Variants in PPP2R2D observed in about 807,000 individuals in gnomAD.
PPP2R2D encodes the protein serine/threonine-protein phosphatase 2A 55 kDa regulatory subunit B delta isoform.
In PPP2R2D, 9 loss-of-function variants were observed where a neutral mutation model predicts 31.1. The observed-to-expected ratio is 0.29, with a 90% CI of 0.17 to 0.51. The LOEUF is 0.51. PPP2R2D is among the 20% of genes least tolerant of loss of function. PPP2R2D has a pLI of 0.98. For synonymous variants in PPP2R2D, 179 were observed against 172.6 expected (o/e 1.04, Z -0.29); for missense variants, 391 against 465.6 (o/e 0.84, Z 1.48).
At chr10:131,901,856 C>G (rs1168155643) in intron 2 of PPP2R2D, among the ~76,000 whole-genome samples, 1 of 152,336 alleles carries the variant, frequency 6.6e-6, no homozygotes, top group Non-Finnish European at 1.5e-5. Flanking sequence ...CTCCCTGATT[C>G]TTAAGGTCTG....
intron 2 of PPP2R2D, among the ~76,000 whole-genome samples, chr10:131,930,462 G>A (rs578164003): frequency 8.5e-5 from 13 of 152,344 alleles, no homozygotes; most frequent in East Asian, 1.9e-4. Flanking sequence ...GCAGTTTCCT[G>A]AGAAAGCATT....
rs1423380815 is a variant in PPP2R2D, at chr10:131,901,345, G to GCGCCC, written c.100+23_100+27dup. On this transcript the variant is annotated intron_variant, in intron 2 of 8. Coordinates refer to ENST00000455566, the MANE Select transcript of PPP2R2D (RefSeq NM_018461.5). ...CGTGGCCGAAGGTGAGCCCCGCGCC[G>GCGCCC]CGCCCCGCCCCGGGACCCTCGCGGA... 1.4e-5 allele frequency: 5 copies of GCGCCC among 356,690 alleles called. No individual in the cohort carries two copies. The highest frequency in any genetic ancestry group is 6.4e-5 in the African/African-American group (3 of 46,690). 22.1% of individuals were successfully genotyped at this position (356,690 alleles called of 1,614,324 possible).
At chr10:131,967,280 C>T in the PPP2R2D span, 1 of 152,218 alleles carries the variant, frequency 6.6e-6, no homozygotes, top group Non-Finnish European at 1.5e-5. Flanking sequence ...GTTCACTGAG[C>T]TCTGTAAGGT....
At chr10:131,904,481 G>C (rs1464677559) in intron 2 of PPP2R2D, among the ~76,000 whole-genome samples, 1 of 152,154 alleles carries the variant, frequency 6.6e-6, no homozygotes, top group Non-Finnish European at 1.5e-5. Flanking sequence ...CTGCACTCCA[G>C]CCTGGGCGAC....
At chr10:131,933,496 C>CT (rs1263306630) in intron 2 of PPP2R2D, among the ~76,000 whole-genome samples, 1 of 152,150 alleles carries the variant, frequency 6.6e-6, no homozygotes, top group Non-Finnish European at 1.5e-5. Flanking sequence ...GTTCCTGAGA[C>CT]TCCCCCACAC....
chr10:131,947,480 G>GT lies in PPP2R2D; in HGVS notation c.821-48dup. 1 of 1,576,668 alleles carries GT rather than the reference G, an allele frequency of 6.3e-7. No individual in the cohort carries two copies. Among genetic ancestry groups the GT allele is most frequent in the East Asian group, 2.2e-5 (1 of 44,486 alleles). ...TCCTACTTGAACTTGAAAATGATTTGTTCTCTGATTTTTAAACAGAAGCTG... is the reference window on the plus strand; with the variant it reads ...TCCTACTTGAACTTGAAAATGATTTGTTTCTCTGATTTTTAAACAGAAGCTG... On this transcript the variant is annotated intron_variant, in intron 7 of 8. Transcript: ENST00000455566. The surrounding 1 kb of genome is among the most constrained non-coding windows in gnomAD (Gnocchi z 4.3).
intron 3 of PPP2R2D, among the ~76,000 whole-genome samples, chr10:131,939,614 T>G (rs567384365): frequency 1.3e-5 from 2 of 149,886 alleles, no homozygotes; most frequent in African/African-American, 2.5e-5. Context: ...TTGGCAGACC[T>G]GCTTCAGAAA....
rs782294675 is a variant in PPP2R2D, at chr10:131,934,466, A to G, written c.109A>G (p.Ile37Val). The G allele has an allele frequency of 1.3e-6, 1 of 779,092 alleles. No homozygotes were observed. The allele number at this position is 779,092 out of a possible 1,614,324, so 48.3% of individuals were successfully genotyped here. The change falls in exon 3 of 9, where the codon ATT (isoleucine) becomes GTT (valine). Residue 37 changes from isoleucine (I) to valine (V), a missense_variant. By Grantham distance (29) the Ile-to-Val change is conservative. Transcript: ENST00000455566. ...CTGTATTTTGTTGACAGCGGACATC[A>G]TTTCCACCGTTGAGTTTAATTACTC... The part of the protein sequence containing the change: ...IDEDVAEADI[I>V]STVEFNYSGD...
In PPP2R2D at chr10:131,947,916, G is replaced by T. The variant is rs1589957854; in HGVS notation, c.1082+125G>T. On this transcript the variant is annotated intron_variant, in intron 8 of 8. Transcript: ENST00000455566. This position sits in a 1 kb window ranked among gnomAD's most constrained non-coding sequence, Gnocchi z 4.3. ...GACGCTCATAGGGTGTTGTTTTCCA[G>T]ACCTTTTGATTGATGGATGATAGTA... 1 of 1,232,128 alleles carries T rather than the reference G, an allele frequency of 8.1e-7. No homozygotes were observed. Among genetic ancestry groups the T allele is most frequent in the Non-Finnish European group, 1.1e-6 (1 of 884,938 alleles). 76.3% of individuals were successfully genotyped at this position (1,232,128 alleles called of 1,614,324 possible).
chr10:131,943,766 G>A (rs184793402), intron 5 of PPP2R2D, among the ~76,000 whole-genome samples: 82 of 152,328 alleles, frequency 5.4e-4, no homozygotes, highest in African/African-American at 1.9e-3. Flanking sequence ...ATGGAAGCAA[G>A]GGGAAGACTT....
Position 131,918,667 on chromosome 10 carries a change from A to G in PPP2R2D, c.101-15791A>G, listed in dbSNP as rs1446971428. Among the ~76,000 whole-genome samples the G allele has an allele frequency of 2.2e-3, 174 of 79,818 alleles. No individual in the cohort carries two copies. The Middle Eastern group carries it at 0.038, about 18-fold the overall frequency. 52.4% of individuals were successfully genotyped at this position (79,818 alleles called of 152,430 possible). A position where few individuals can be genotyped will look rare whatever the true frequency, so the allele number is the denominator to read the frequency against. On this transcript the variant is annotated intron_variant, in intron 2 of 8. Transcript: ENST00000455566. ...GTGTTTGTAGGGACCTCAGGCGGGT[A>G]GGATGACACAGTGTAGGGACCTCAC...
In PPP2R2D at chr10:131,940,665, C is replaced by A. The variant is rs782168628; in HGVS notation, c.448C>A (p.Arg150=). 1 of 778,310 alleles carries A rather than the reference C, an allele frequency of 1.3e-6. No homozygotes were observed. Among genetic ancestry groups the A allele is most frequent in the South Asian group, 1.4e-5 (1 of 73,810 alleles). The allele number at this position is 778,310 out of a possible 1,614,324, so 48.2% of individuals were successfully genotyped here. The stretch of plus-strand genomic sequence containing the variant: ...CCTGAAAGACGAAGATGGAAGACTT[C>A]GAGACCCATTTAGGATCACGGCGCT... ...YNLKDEDGRL[R]DPFRITALRV... The change falls in exon 5 of 9, where the codon CGA becomes AGA. Residue 150 remains arginine, a synonymous_variant. Coordinates refer to ENST00000455566, the MANE Select transcript of PPP2R2D (RefSeq NM_018461.5).
downstream of PPP2R2D, among the ~76,000 whole-genome samples, chr10:131,962,653 G>A (rs192961135): frequency 2.9e-3 from 436 of 152,286 alleles, 2 homozygotes; most frequent in Non-Finnish European, 2.8e-3. Context: ...CATCGCTGGT[G>A]TGTAGATGCA....
chr10:131,909,316 G>C (rs1175028209), intron 2 of PPP2R2D, among the ~76,000 whole-genome samples: 2 of 152,344 alleles, frequency 1.3e-5, no homozygotes, highest in South Asian at 2.1e-4. Flanking sequence ...GAGCTTTTCA[G>C]ATCCTAAGCG....
chr10:131,919,830 G>A (rs572626309), intron 2 of PPP2R2D, among the ~76,000 whole-genome samples: 4 of 140,614 alleles, frequency 2.8e-5, no homozygotes, highest in African/African-American at 8.0e-5. Flanking sequence ...GACAGTGTTT[G>A]TAGGGACCTC....
chr10:131,933,363 A>G (rs113589762), intron 2 of PPP2R2D, among the ~76,000 whole-genome samples: 77 of 152,182 alleles, frequency 5.1e-4, no homozygotes, highest in African/African-American at 1.7e-3. Context: ...GTTGTTTACA[A>G]TAGCCATTTA....
At chr10:131,915,491 A>T (rs771342352) in intron 2 of PPP2R2D, among the ~76,000 whole-genome samples, 4 of 152,208 alleles carry the variant, frequency 2.6e-5, no homozygotes, top group African/African-American at 9.6e-5. Context: ...TTTTGAAGAG[A>T]TGAAGGCTAC....
chr10:131,923,484 A>T (rs782133214), intron 2 of PPP2R2D, among the ~76,000 whole-genome samples: 5 of 152,200 alleles, frequency 3.3e-5, no homozygotes, highest in Non-Finnish European at 7.3e-5. Flanking sequence ...GAGCTTGGTC[A>T]TATGGCAACT....
intron 7 of PPP2R2D, among the ~76,000 whole-genome samples, chr10:131,946,809 A>G (rs2119918794): frequency 6.6e-6 from 1 of 152,292 alleles, no homozygotes; most frequent in Non-Finnish European, 1.5e-5. Context: ...AGTGGTGCTC[A>G]CCTGTGGTCC....
Sources: gnomAD v4.1 joint callset for allele counts (sites outside exome capture counted in the v4.1 genomes callset) on GRCh38, gnomAD v4.1.1 for gene constraint, Gnocchi (gnomAD v3.1) non-coding constraint, MANE v1.5 for transcripts, NCBI Gene and HGNC (gene_info 2026-07-23, HGNC 2026-07-21) for gene names.